Variants in PCDH15 observed in about 807,000 individuals in gnomAD.
The protein encoded by PCDH15 is protocadherin related 15.
In PCDH15, 129 loss-of-function variants were observed where a neutral mutation model predicts 178.5. The ratio of observed to expected loss-of-function variants is 0.72; its 90% CI spans 0.63 to 0.84. The LOEUF (loss-of-function observed/expected upper bound fraction) is 0.84, where lower values mean the gene tolerates loss of function less well. Ranked by LOEUF, PCDH15 falls within the 40% of genes least tolerant of loss-of-function variation. The pLI, the probability that PCDH15 is intolerant of heterozygous loss-of-function variation, is 0.00. For synonymous variants in PCDH15, 800 were observed against 732.0 expected, an observed-to-expected ratio of 1.09 and a Z score of -1.50; for missense variants, 2,230 against 2,099.9, an observed-to-expected ratio of 1.06 and a Z score of -1.21.
chr10:55,407,187 C>T (rs566376657), intron 2 of PCDH15, among the ~76,000 whole-genome samples: 65 of 152,006 alleles, frequency 4.3e-4, no homozygotes, highest in African/African-American at 1.6e-3. Flanking sequence ...GTGAAGGCAA[C>T]CGACGTGCCA....
At chr10:54,338,627 A>G (rs370049549) in intron 6 of PCDH15, among the ~76,000 whole-genome samples, 2 of 152,196 alleles carry the variant, frequency 1.3e-5, no homozygotes, top group East Asian at 1.9e-4. Flanking sequence ...AGGACTTGAT[A>G]AAAGATGTTA....
chr10:54,630,495 C>T (rs1272950009), intron 2 of PCDH15, among the ~76,000 whole-genome samples: 1 of 152,104 alleles, frequency 6.6e-6, no homozygotes, highest in Non-Finnish European at 1.5e-5. Context: ...TGCCTTTCAT[C>T]GCAGGCAAAA....
intron 3 of PCDH15, among the ~76,000 whole-genome samples, chr10:54,831,176 T>C (rs564261915): frequency 6.6e-6 from 1 of 152,202 alleles, no homozygotes; most frequent in South Asian, 2.1e-4. Context: ...GGATAAAAGA[T>C]ACATGTAAGA....
intron 11 of PCDH15, chr10:54,189,302 C>A: frequency 7.1e-7 from 1 of 1,405,486 alleles, no homozygotes; most frequent in Non-Finnish European, 9.8e-7. Context: ...AAAAAAAGAA[C>A]AAGGAAATAA....
chr10:53,838,169 G>A (rs948970544), intron 29 of PCDH15, among the ~76,000 whole-genome samples: 1 of 151,692 alleles, frequency 6.6e-6, no homozygotes, highest in African/African-American at 2.4e-5. Flanking sequence ...TAGAGACGGG[G>A]TTTCACCGTG....
At chr10:54,233,098 T>C (rs757130101) in intron 9 of PCDH15, among the ~76,000 whole-genome samples, 14 of 151,770 alleles carry the variant, frequency 9.2e-5, no homozygotes, top group Non-Finnish European at 1.9e-4. Flanking sequence ...TGCACACCAC[T>C]ATGCCCAGCT....
intron 3 of PCDH15, among the ~76,000 whole-genome samples, chr10:54,511,615 T>C (rs2081672517): frequency 6.6e-6 from 1 of 152,204 alleles, no homozygotes; most frequent in Non-Finnish European, 1.5e-5. Context: ...TTATGGATAA[T>C]GCATTTGGGT....
chr10:54,686,312 A>G (rs1447460951), intron 1 of PCDH15, among the ~76,000 whole-genome samples: 2 of 152,070 alleles, frequency 1.3e-5, no homozygotes, highest in Non-Finnish European at 2.9e-5. Flanking sequence ...AATAGTTGAA[A>G]TTTTATGATG....
At chr10:54,382,188 G>A (rs1467084589) in intron 3 of PCDH15, among the ~76,000 whole-genome samples, 1 of 152,024 alleles carries the variant, frequency 6.6e-6, no homozygotes, top group Non-Finnish European at 1.5e-5. Flanking sequence ...GGTATTGAGG[G>A]CCATTTACCT....
Position 54,183,566 on chromosome 10 carries a change from T to C in PCDH15, c.1468A>G (p.Ser490Gly), listed in dbSNP as rs765756676. 1.9e-6 allele frequency: 3 copies of C among 1,613,888 alleles called. No homozygotes were observed. The African/African-American group carries it at 4.0e-5, about 22-fold the overall frequency. ...SITAFDGVQE[S>G]EPVIVNIQVM... ...TGAATATTGACGATGACTGGCTCACTTTCTTGTACACCATCAAATGCTGTT... is the reference window on the plus strand; with the variant it reads ...TGAATATTGACGATGACTGGCTCACCTTCTTGTACACCATCAAATGCTGTT... The change falls in exon 13 of 38, where the codon AGT becomes GGT. Residue 490 changes from serine to glycine, a missense_variant. Physicochemically the swap from Ser to Gly is moderately conservative, Grantham distance 56. Coordinates refer to ENST00000644397, the MANE Select transcript of PCDH15 (RefSeq NM_001384140.1).
intron 2 of PCDH15, among the ~76,000 whole-genome samples, chr10:54,582,952 A>T (rs1363943063): frequency 2.0e-5 from 3 of 152,142 alleles, no homozygotes; most frequent in Non-Finnish European, 2.9e-5. Flanking sequence ...TCCTTTATTT[A>T]GCATATTAAT....
At chr10:55,097,393 G>A (rs931936973) in intron 2 of PCDH15, among the ~76,000 whole-genome samples, 1 of 152,094 alleles carries the variant, frequency 6.6e-6, no homozygotes, top group Non-Finnish European at 1.5e-5. Context: ...GGAAGTGAAA[G>A]TGGGTCTTTA....
intron 8 of PCDH15, among the ~76,000 whole-genome samples, chr10:54,316,737 A>C (rs369725117): frequency 3.0e-4 from 45 of 152,192 alleles, no homozygotes; most frequent in African/African-American, 1.0e-3. Flanking sequence ...TTTATCAAAA[A>C]TACAGGATTA....
intron 1 of PCDH15, 78 bp from the exon 2 acceptor site, chr10:54,664,368 A>G: frequency 1.1e-6 from 1 of 919,668 alleles, no homozygotes; most frequent in Non-Finnish European, 1.7e-6. Context: ...GTCACAGCAC[A>G]GAAAAGCCTT....
intron 2 of PCDH15, among the ~76,000 whole-genome samples, chr10:55,086,132 T>C (rs2132030887): frequency 6.6e-6 from 1 of 152,006 alleles, no homozygotes; most frequent in South Asian, 2.1e-4. Context: ...TTACCAAAGA[T>C]CATAAATGTT....
At chr10:54,767,446 A>T (rs1016584891) in intron 1 of PCDH15, among the ~76,000 whole-genome samples, 3 of 152,146 alleles carry the variant, frequency 2.0e-5, no homozygotes, top group African/African-American at 7.2e-5. Context: ...CAATTAAATT[A>T]CATAGACAGT....
intron 18 of PCDH15, among the ~76,000 whole-genome samples, chr10:54,031,025 T>G (rs1207543739): frequency 6.6e-6 from 1 of 152,096 alleles, no homozygotes; most frequent in Admixed American, 6.6e-5. Flanking sequence ...ATAGCCAAGC[T>G]GCAGCTTTTA....
At chr10:54,844,930 A>T (rs2131756472) in intron 3 of PCDH15, among the ~76,000 whole-genome samples, 1 of 152,036 alleles carries the variant, frequency 6.6e-6, no homozygotes, top group Admixed American at 6.6e-5. Context: ...TAGCCTCAAA[A>T]AGCAGAATTA....
At chr10:54,413,064 C>A (rs1384074266) in intron 3 of PCDH15, among the ~76,000 whole-genome samples, 1 of 152,140 alleles carries the variant, frequency 6.6e-6, no homozygotes, top group Non-Finnish European at 1.5e-5. Flanking sequence ...AAGAAGGGAG[C>A]ATGAACATAT....
Sources: allele counts gnomAD v4.1 joint callset (sites outside exome capture counted in the v4.1 genomes callset), GRCh38; gene constraint gnomAD v4.1.1; transcripts MANE v1.5; gene names NCBI Gene and HGNC (gene_info 2026-07-23, HGNC 2026-07-21).